FAM20C: variants seen among roughly 807,000 people sequenced by gnomAD.
The protein encoded by FAM20C is extracellular serine/threonine protein kinase FAM20C.
FAM20C carries 40 observed loss-of-function variants against 51.5 expected under a neutral mutation model. The observed-to-expected ratio is 0.78, with a 90% CI of 0.60 to 1.01. The LOEUF (loss-of-function observed/expected upper bound fraction) is 1.01, where lower values mean the gene tolerates loss of function less well. Among genes scored for constraint, FAM20C ranks in the 50% least tolerant of loss-of-function variants. FAM20C has a pLI of 0.00. For synonymous variants in FAM20C, 406 were observed against 380.6 expected (o/e 1.07, Z -0.78); for missense variants, 861 against 844.7 (o/e 1.02, Z -0.24).
intron 2 of FAM20C, among the ~76,000 whole-genome samples, chr7:198,712 A>G (rs1159905629): frequency 6.6e-6 from 1 of 152,198 alleles, no homozygotes; most frequent in African/African-American, 2.4e-5. Flanking sequence ...ATACGAGTAA[A>G]GAGGTGAGAG....
chr7:248,273 G>A, intron 4 of FAM20C, 42 bp from the exon 5 acceptor site: 1 of 1,438,988 alleles, frequency 6.9e-7, no homozygotes, highest in East Asian at 2.5e-5. Context: ...GGCCCGCTGA[G>A]CCGCACAGAG....
Position 249,853 on chromosome 7 carries a change from C to T in FAM20C, c.1072+1423C>T, listed in dbSNP as rs139065268. Among the ~76,000 whole-genome samples the T allele has an allele frequency of 3.6e-3, 551 of 152,330 alleles. 1 individual carries two copies. The highest frequency in any genetic ancestry group is 0.012 in the African/African-American group (514 of 41,566). Reference sequence around the variant, plus strand: ...CTGCTGCACAGCCTGTTCCCATTTCCGATGCTCACCTGGCTGAGCTCTGGG... The same window carrying T: ...CTGCTGCACAGCCTGTTCCCATTTCTGATGCTCACCTGGCTGAGCTCTGGG... On this transcript the variant is annotated intron_variant, in intron 5 of 9. Coordinates refer to ENST00000313766, the MANE Select transcript of FAM20C (RefSeq NM_020223.4).
At chr7:258,161 CA>C (rs1788696340) in intron 8 of FAM20C, among the ~76,000 whole-genome samples, 1 of 36,540 alleles carries the variant, frequency 2.7e-5, no homozygotes, top group African/African-American at 1.2e-4. Flanking sequence ...TGGAGATAGG[CA>C]GGGTGGACCC....
At chr7:211,645 A>C (rs892975297) in intron 3 of FAM20C, among the ~76,000 whole-genome samples, 2 of 152,078 alleles carry the variant, frequency 1.3e-5, no homozygotes, top group Non-Finnish European at 2.9e-5. Context: ...TGGGCTGGGC[A>C]GGGCTGTGCT....
chr7:216,684 A>AGTGTGTGTGT (rs1176075605), intron 3 of FAM20C, among the ~76,000 whole-genome samples: 1 of 149,376 alleles, frequency 6.7e-6, no homozygotes, highest in East Asian at 2.0e-4. Flanking sequence ...TGTGTGTGAG[A>AGTGTGTGTGT]GTGTGTGTGT....
chr7:256,525 G>A (rs772607158), intron 6 of FAM20C, 129 bp from the exon 7 acceptor site: 51 of 736,798 alleles, frequency 6.9e-5, no homozygotes, highest in Middle Eastern at 3.7e-4. Flanking sequence ...CCTCAGCGCC[G>A]CAGCCCGGGC....
intron 2 of FAM20C, among the ~76,000 whole-genome samples, chr7:202,455 G>C (rs558352791): frequency 6.6e-3 from 718 of 108,058 alleles, no homozygotes; most frequent in Middle Eastern, 0.025. Context: ...ATGGGGGGGC[G>C]CTATGGATAT....
rs928935269 is a variant in FAM20C at position 214,586 on chromosome 7, C to T, written c.863+5610C>T. 7.9e-5 allele frequency among the ~76,000 whole-genome samples: 12 copies of T among 152,310 alleles called. 1 individual carries two copies. The highest frequency in any genetic ancestry group is 2.0e-4 in the Admixed American group (3 of 15,308). On this transcript the variant is annotated intron_variant, in intron 3 of 9. Transcript: ENST00000313766. ...CGTAGCCACAGAGCGACGGGCCTGG[C>T]GTAGCCACTGTTGCTGTTTGACCTG...
At chr7:254,604 A>G (rs1372852386) in intron 5 of FAM20C, among the ~76,000 whole-genome samples, 1 of 152,240 alleles carries the variant, frequency 6.6e-6, no homozygotes, top group Non-Finnish European at 1.5e-5. Flanking sequence ...TTATTAAGGT[A>G]TAATTCATGT....
At chr7:247,440 G>T (rs922407774) in intron 4 of FAM20C, among the ~76,000 whole-genome samples, 17 of 152,214 alleles carry the variant, frequency 1.1e-4, no homozygotes, top group Non-Finnish European at 2.2e-4. Context: ...CGGCCCCAGG[G>T]CCGGCAGCAT....
At chr7:210,051 G>T (rs1013835235) in intron 3 of FAM20C, among the ~76,000 whole-genome samples, 1 of 152,178 alleles carries the variant, frequency 6.6e-6, no homozygotes, top group African/African-American at 2.4e-5. Flanking sequence ...GCCTGAGCCC[G>T]GGCCGAGGGC....
chr7:234,837 G>A (rs2115125765), intron 3 of FAM20C, among the ~76,000 whole-genome samples: 1 of 152,238 alleles, frequency 6.6e-6, no homozygotes, highest in South Asian at 2.1e-4. Context: ...CATCCCTGCC[G>A]TTTCTCCGAG....
chr7:231,032 A>G (rs1380432123), intron 3 of FAM20C, among the ~76,000 whole-genome samples: 3 of 152,152 alleles, frequency 2.0e-5, no homozygotes, highest in Non-Finnish European at 4.4e-5. Context: ...GAGCTATGAA[A>G]GAAAAGACGG....
chr7:245,630 G>A (rs563890123), intron 3 of FAM20C, among the ~76,000 whole-genome samples: 3 of 152,344 alleles, frequency 2.0e-5, no homozygotes, highest in East Asian at 1.9e-4. Flanking sequence ...ACACACTTAT[G>A]CTCAGACACG....
At chr7:202,452 G>A (rs1439059103) in intron 2 of FAM20C, among the ~76,000 whole-genome samples, 1 of 135,634 alleles carries the variant, frequency 7.4e-6, no homozygotes, top group Admixed American at 7.5e-5. Context: ...GGAATGGGGG[G>A]GCGCTATGGA....
At chr7:223,916 T>C (rs1361903212) in intron 3 of FAM20C, among the ~76,000 whole-genome samples, 1 of 152,192 alleles carries the variant, frequency 6.6e-6, no homozygotes, top group African/African-American at 2.4e-5. Flanking sequence ...GAATGGGTGC[T>C]GCCCCTGAGG....
chr7:209,988 T>C (rs1786626798), intron 3 of FAM20C, among the ~76,000 whole-genome samples: 1 of 151,314 alleles, frequency 6.6e-6, no homozygotes, highest in Non-Finnish European at 1.5e-5. Context: ...GACCCACGAG[T>C]CCTGCCTCAG....
rs1583343872 is a variant in FAM20C at position 256,183 on chromosome 7, G to A, written c.1253+154G>A. 4 of 997,956 alleles carry A rather than the reference G, an allele frequency of 4.0e-6. No homozygotes were observed. In the East Asian group the frequency reaches 1.1e-4, roughly 26 times the overall value. The allele number at this position is 997,956 out of a possible 1,614,324, so 61.8% of individuals were successfully genotyped here. On this transcript the variant is annotated intron_variant, in intron 6 of 9. Transcript: ENST00000313766. Reference sequence around the variant, plus strand: ...GGCCTGTGTGAGATGACCGCTTCCTGATGAGACGGTGGCAGAGGGCGTCCT... The same window carrying A: ...GGCCTGTGTGAGATGACCGCTTCCTAATGAGACGGTGGCAGAGGGCGTCCT...
At chr7:217,824 C>T (rs556682259) in intron 3 of FAM20C, among the ~76,000 whole-genome samples, 18 of 152,274 alleles carry the variant, frequency 1.2e-4, no homozygotes, top group East Asian at 3.9e-4. Flanking sequence ...GTTCGATGAG[C>T]GCCTGGCTGG....
Sources: allele counts gnomAD v4.1 joint callset (sites outside exome capture counted in the v4.1 genomes callset), GRCh38; gene constraint gnomAD v4.1.1; transcripts MANE v1.5; gene names NCBI Gene and HGNC (gene_info 2026-07-23, HGNC 2026-07-21).